GSE1: variants seen among roughly 807,000 people sequenced by gnomAD.
The protein encoded by GSE1 is Gse1 coiled-coil protein.
Under a neutral mutation model 112.6 loss-of-function variants are expected in GSE1, and 32 were observed. The ratio of observed to expected loss-of-function variants is 0.28; its 90% CI spans 0.21 to 0.38. The LOEUF (loss-of-function observed/expected upper bound fraction) is 0.38, where lower values mean the gene tolerates loss of function less well. Ranked by LOEUF, GSE1 falls within the 10% of genes least tolerant of loss-of-function variation. GSE1 has a pLI of 1.00. For synonymous variants in GSE1, 1,115 were observed against 735.6 expected, an observed-to-expected ratio of 1.52 and a Z score of -8.35; for missense variants, 2,348 against 1,699.2, an observed-to-expected ratio of 1.38 and a Z score of -6.71.
intron 2 of GSE1, among the ~76,000 whole-genome samples, chr16:85,532,972 C>G (rs905212352): frequency 4.6e-5 from 7 of 152,210 alleles, no homozygotes; most frequent in Non-Finnish European, 1.0e-4. Flanking sequence ...AAAACCAGCA[C>G]AAACCAGCCC....
At chr16:85,437,412 G>A (rs1276433396) in intron 2 of GSE1, among the ~76,000 whole-genome samples, 2 of 150,854 alleles carry the variant, frequency 1.3e-5, no homozygotes, top group South Asian at 2.1e-4. Flanking sequence ...GCCAAGACCC[G>A]GGGCCTCCTG....
intron 1 of GSE1, among the ~76,000 whole-genome samples, chr16:85,310,731 C>T (rs1459980983): frequency 2.6e-5 from 4 of 152,048 alleles, no homozygotes; most frequent in African/African-American, 9.7e-5. Context: ...AAGGGGAGCG[C>T]ACCCAGTCAA....
intron 1 of GSE1, among the ~76,000 whole-genome samples, chr16:85,319,915 G>C (rs1200233885): frequency 6.6e-6 from 1 of 152,250 alleles, no homozygotes; most frequent in African/African-American, 2.4e-5. Context: ...ATAAATGCTT[G>C]TTGAGTCCAT....
At chr16:85,206,950 C>A (rs1414494468) in intron 1 of GSE1, among the ~76,000 whole-genome samples, 3 of 152,072 alleles carry the variant, frequency 2.0e-5, no homozygotes, top group Non-Finnish European at 4.4e-5. Flanking sequence ...AGGAGAGAGA[C>A]TGTTTACAGC....
At chr16:85,606,200 G>A (rs975712854) in intron 1 of GSE1, among the ~76,000 whole-genome samples, 20 of 152,180 alleles carry the variant, frequency 1.3e-4, no homozygotes, top group African/African-American at 4.6e-4. Flanking sequence ...AGACCACTCC[G>A]GAACACATGC....
chr16:85,431,075 G>C (rs960722310), intron 2 of GSE1, among the ~76,000 whole-genome samples: 1 of 33,632 alleles, frequency 3.0e-5, no homozygotes, highest in Admixed American at 4.8e-4. Flanking sequence ...CCACTGCCTC[G>C]GGGGGCGGAT....
At chr16:85,279,189 G>T (rs76027432) in intron 1 of GSE1, among the ~76,000 whole-genome samples, 28 of 152,302 alleles carry the variant, frequency 1.8e-4, no homozygotes, top group East Asian at 9.6e-4. Context: ...TAGTGGGGAG[G>T]GGGGAGGAGG....
chr16:85,632,425 G>C lies in GSE1; in HGVS notation c.8-1489G>C, dbSNP rs930945012. Among the ~76,000 whole-genome samples, 3 of 152,010 alleles carry C rather than the reference G, an allele frequency of 2.0e-5. No homozygotes were observed. In the East Asian group the frequency reaches 5.8e-4, roughly 29 times the overall value. ...CCCCAAAGAATTATTTTCTCCCTACGTCCCCTCTATCAGGAGAGGGAGGAC... is the reference window on the plus strand; with the variant it reads ...CCCCAAAGAATTATTTTCTCCCTACCTCCCCTCTATCAGGAGAGGGAGGAC... On this transcript the variant is annotated intron_variant, in intron 1 of 15. Transcript: ENST00000253458.
intron 2 of GSE1, among the ~76,000 whole-genome samples, chr16:85,422,844 C>G (rs979081962): frequency 1.3e-5 from 2 of 152,180 alleles, no homozygotes; most frequent in African/African-American, 4.8e-5. Context: ...CGGCTGAACC[C>G]TCTGGCTGCT....
chr16:85,619,549 G>A (rs1008587663), intron 1 of GSE1, among the ~76,000 whole-genome samples: 4 of 152,200 alleles, frequency 2.6e-5, no homozygotes, highest in Non-Finnish European at 4.4e-5. Flanking sequence ...CTGGAGGGAC[G>A]GCAGGCGCTC....
chr16:85,483,923 C>T (rs1158077238), intron 2 of GSE1, among the ~76,000 whole-genome samples: 1 of 152,258 alleles, frequency 6.6e-6, no homozygotes, highest in Admixed American at 6.5e-5. Flanking sequence ...TGCTGCCATC[C>T]TCTCAGCTGG....
At chr16:85,313,213 G>A (rs1403159643) in intron 1 of GSE1, among the ~76,000 whole-genome samples, 8 of 152,250 alleles carry the variant, frequency 5.3e-5, no homozygotes, top group Admixed American at 1.3e-4. Context: ...TTCATGGACC[G>A]GGGGCAGCAC....
At chr16:85,666,911 A>G (rs1479171956) in intron 13 of GSE1, among the ~76,000 whole-genome samples, 1 of 152,262 alleles carries the variant, frequency 6.6e-6, no homozygotes, top group Non-Finnish European at 1.5e-5. Flanking sequence ...TCCAAAAACA[A>G]AACTTGAATT....
At position 85,208,580 on chromosome 16, in the gene GSE1, C is replaced by T. The variant is rs150698602; in HGVS notation, c.2283+36773C>T. ...ACTTTGGTACCTCTAGACCAGGGAC[C>T]GCAAACTCTGTGAAGGACCAGATTG... is the stretch of plus-strand genomic sequence containing the variant. On this transcript the variant is annotated intron_variant, in intron 1 of 2. Transcript: ENST00000637419. Among the ~76,000 whole-genome samples the T allele has an allele frequency of 2.2e-3, 340 of 152,336 alleles. 1 individual carries two copies. The highest frequency in any genetic ancestry group is 3.8e-3 in the Non-Finnish European group (258 of 68,034).
At chr16:85,379,202 G>A (rs916336306) in intron 2 of GSE1, among the ~76,000 whole-genome samples, 1 of 152,120 alleles carries the variant, frequency 6.6e-6, no homozygotes, top group East Asian at 1.9e-4. Context: ...CTCCTCGCTG[G>A]GCCTCCTCCG....
Position 85,383,484 on chromosome 16 carries a change from C to T in GSE1, c.2464+25841C>T, listed in dbSNP as rs566764994. On this transcript the variant is annotated intron_variant, in intron 2 of 2. Transcript: ENST00000637419. ...AGTCTGTCACACATTTGAACATACA[C>T]GCAGAGCTCCCAGCACACACACACA... Among the ~76,000 whole-genome samples, 14 of 151,310 alleles carry T rather than the reference C, an allele frequency of 9.3e-5. No individual in the cohort carries two copies. In the East Asian group the frequency reaches 1.8e-3, roughly 19 times the overall value.
chr16:85,489,928 C>T (rs2151891618), intron 2 of GSE1: 1 of 152,324 alleles, frequency 6.6e-6, no homozygotes, highest in African/African-American at 2.4e-5. Context: ...CACAGCCACG[C>T]AGCGCCCACA....
At position 85,347,010 on chromosome 16, in the gene GSE1, C is replaced by T. The variant is rs150017802; in HGVS notation, c.2284-10453C>T. Among the ~76,000 whole-genome samples, 115 of 152,246 alleles carry T rather than the reference C, an allele frequency of 7.6e-4. 1 individual carries two copies. The highest frequency in any genetic ancestry group is 3.4e-3 in the Middle Eastern group (1 of 294). On this transcript the variant is annotated intron_variant, in intron 1 of 2. Coordinates refer to the GSE1 transcript ENST00000637419. ...TGCAAAGCTGAGCTGAACCAAATAA[C>T]GTGGCTCTTAGATGTCACGTGACAG... is the stretch of plus-strand genomic sequence containing the variant.
chr16:85,495,520 A>G (rs1457523105), intron 2 of GSE1, among the ~76,000 whole-genome samples: 2 of 151,122 alleles, frequency 1.3e-5, no homozygotes, highest in Non-Finnish European at 2.9e-5. Flanking sequence ...TTTGAGACAG[A>G]GTCTTACTCT....
Sources: allele counts gnomAD v4.1 joint callset (sites outside exome capture counted in the v4.1 genomes callset), GRCh38; gene constraint gnomAD v4.1.1; transcripts MANE v1.5; gene names NCBI Gene and HGNC (gene_info 2026-07-23, HGNC 2026-07-21).